The following NDRG1 variants were observed in gnomAD, a reference collection of about 807,000 sequenced individuals.
NDRG1 encodes N-myc downstream regulated 1, also known as protein NDRG1.
Under a neutral mutation model 56.9 loss-of-function variants are expected in NDRG1, and 32 were observed. That is an observed-to-expected ratio of 0.56 (90% CI 0.42 to 0.76). NDRG1 has a LOEUF of 0.76. Among genes scored for constraint, NDRG1 ranks in the 30% least tolerant of loss-of-function variants. The probability of loss-of-function intolerance (pLI) is 0.00; values close to 1 mark genes in which losing one functional copy is unlikely to be tolerated. For missense variants in NDRG1, 507 were observed against 545.7 expected (o/e 0.93, Z 0.71); for synonymous variants, 211 against 204.1 (o/e 1.03, Z -0.29).
chr8:133,276,363 T>C (rs1244704371), intron 3 of NDRG1, among the ~76,000 whole-genome samples: 1 of 152,190 alleles, frequency 6.6e-6, no homozygotes, highest in Non-Finnish European at 1.5e-5. Context: ...AAACTATGCT[T>C]TCTAGGTTTC....
intron 1 of NDRG1, among the ~76,000 whole-genome samples, chr8:133,294,079 T>C (rs1014888879): frequency 1.3e-5 from 2 of 152,230 alleles, no homozygotes; most frequent in African/African-American, 4.8e-5. Context: ...GATGGCATCA[T>C]GTCTGTTACT....
At chr8:133,242,635 A>G (rs1855448127) in intron 14 of NDRG1, among the ~76,000 whole-genome samples, 1 of 152,150 alleles carries the variant, frequency 6.6e-6, no homozygotes, top group Admixed American at 6.5e-5. Context: ...AATCACTGTC[A>G]GCCTCAATAG....
At position 133,238,638 on chromosome 8, in the gene NDRG1, T is replaced by C. The variant is rs1855193922; in HGVS notation, c.*240A>G. 3.4e-6 allele frequency: 2 copies of C among 585,402 alleles called. No individual in the cohort carries two copies. The highest frequency in any genetic ancestry group is 6.0e-6 in the Non-Finnish European group (2 of 332,678). 36.3% of individuals were successfully genotyped at this position (585,402 alleles called of 1,614,324 possible). A position where few individuals can be genotyped will look rare whatever the true frequency, so the allele number is the denominator to read the frequency against. ...AGAGTGGCAACCGGCCACTGGTTAATGGAAGAGGATGCGATGCGGAGATGC... is the reference window on the plus strand; with the variant it reads ...AGAGTGGCAACCGGCCACTGGTTAACGGAAGAGGATGCGATGCGGAGATGC... On this transcript the variant is annotated 3_prime_UTR_variant, in exon 16 of 16. Transcript: ENST00000323851.
chr8:133,284,189 CTG>C, intron 2 of NDRG1, 58 bp downstream of exon 2: 8 of 1,516,304 alleles, frequency 5.3e-6, no homozygotes, highest in East Asian at 2.3e-5. Context: ...TCCGGTGTGC[CTG>C]TGTGTGTCTA....
chr8:133,238,284 TTTC>T lies in NDRG1; in HGVS notation c.*591_*593del, dbSNP rs546011997. 274 of 232,580 alleles carry T rather than the reference TTTC, an allele frequency of 1.2e-3. 1 individual carries two copies. The highest frequency in any genetic ancestry group is 5.8e-3 in the African/African-American group (265 of 45,400). 14.4% of individuals were successfully genotyped at this position (232,580 alleles called of 1,614,324 possible). A position where few individuals can be genotyped will look rare whatever the true frequency, so the allele number is the denominator to read the frequency against. ...TAGATGCACCAACTTTAAAAATCGG[TTTC>T]TTCAAGTTAACTACGTAGATTTGTT... On this transcript the variant is annotated 3_prime_UTR_variant, in exon 16 of 16. Transcript: ENST00000323851.
At chr8:133,295,866 C>T (rs1238893257) in intron 1 of NDRG1, among the ~76,000 whole-genome samples, 1 of 152,112 alleles carries the variant, frequency 6.6e-6, no homozygotes. Flanking sequence ...ACTGAAGTGC[C>T]CCCAGCGTCC....
intron 12 of NDRG1, among the ~76,000 whole-genome samples, chr8:133,247,148 A>G (rs1274867576): frequency 6.6e-6 from 1 of 152,220 alleles, no homozygotes; most frequent in Non-Finnish European, 1.5e-5. Flanking sequence ...ACCCATATGT[A>G]ACCCAGGATG....
intron 3 of NDRG1, among the ~76,000 whole-genome samples, chr8:133,269,164 T>C (rs572602402): frequency 6.6e-6 from 1 of 152,280 alleles, no homozygotes; most frequent in East Asian, 1.9e-4. Context: ...TTCGTCCTCT[T>C]GCCTGAGAGA....
In NDRG1 at chr8:133,280,266, G is replaced by T; in HGVS notation, c.65C>A (p.Thr22Asn). 6.2e-7 allele frequency: 1 copy of T among 1,614,038 alleles called. No homozygotes were observed. Among genetic ancestry groups the T allele is most frequent in the Middle Eastern group, 1.6e-4 (1 of 6,062 alleles). Residue 22 changes from threonine to asparagine, a missense_variant and splice_region_variant, in exon 3 of 16, where the codon ACC becomes AAC. Coordinates refer to ENST00000323851, the MANE Select transcript of NDRG1 (RefSeq NM_006096.4). ...EVKPLVEKGE[T>N]ITGLLQEFDV... ...AAACTCTTGCAGGAGGCCGGTGATG[G>T]TCTGTGAAAAGACAAAAAAAATTGT...
At chr8:133,243,295 C>A (rs994464565) in intron 14 of NDRG1, among the ~76,000 whole-genome samples, 2 of 152,162 alleles carry the variant, frequency 1.3e-5, no homozygotes, top group Non-Finnish European at 2.9e-5. Context: ...AACAGGGACG[C>A]CTGTGTTCGA....
chr8:133,254,026 T>C (rs772790020), intron 9 of NDRG1, among the ~76,000 whole-genome samples: 37 of 151,128 alleles, frequency 2.4e-4, no homozygotes, highest in African/African-American at 4.9e-5. Context: ...GATCCACTCA[T>C]TAACATGGAC....
chr8:133,281,762 C>T (rs143977124), intron 2 of NDRG1, among the ~76,000 whole-genome samples: 60 of 152,180 alleles, frequency 3.9e-4, no homozygotes, highest in Admixed American at 9.2e-4. Context: ...GCCCCACATC[C>T]CCTGAGCTGT....
chr8:133,248,786 T>G lies in NDRG1; in HGVS notation c.699-15A>C. 3 of 1,614,058 alleles carry G rather than the reference T, an allele frequency of 1.9e-6. No homozygotes were observed. The highest frequency in any genetic ancestry group is 2.5e-6 in the Non-Finnish European group (3 of 1,180,026). ...GGTCGCGCCGGCTGCAGGAAACAAATGCATCATTAGCATGAGGACCCCTCC... is the reference window on the plus strand; with the variant it reads ...GGTCGCGCCGGCTGCAGGAAACAAAGGCATCATTAGCATGAGGACCCCTCC... On this transcript the variant is annotated splice_polypyrimidine_tract_variant and intron_variant, in intron 10 of 15. Transcript: ENST00000323851.
rs1856400076 is a variant in NDRG1 at position 133,256,816 on chromosome 8, G to T, written c.498C>A (p.Asn166Lys). ...AGTCCATCCAGCCTTCCGCACAAGGGTTCACGTTGATAAGGACAAGGCCCT... is the reference window on the plus strand; with the variant it reads ...AGTCCATCCAGCCTTCCGCACAAGGTTTCACGTTGATAAGGACAAGGCCCT... Reference protein sequence around the residue: ...MVEGLVLINVNPCAEGWMDWA... With the variant: ...MVEGLVLINVKPCAEGWMDWA... Residue 166 changes from asparagine to lysine, a missense_variant, in exon 8 of 16, where the codon AAC becomes AAA. Asn to Lys is a moderately conservative substitution (Grantham distance 94). Coordinates refer to ENST00000323851, the MANE Select transcript of NDRG1 (RefSeq NM_006096.4). 7 of 1,614,180 alleles carry T rather than the reference G, an allele frequency of 4.3e-6. No individual in the cohort carries two copies. Among genetic ancestry groups the T allele is most frequent in the Middle Eastern group, 1.6e-4 (1 of 6,062 alleles).
intron 1 of NDRG1, 24 bp from the exon 2 acceptor site, chr8:133,284,353 G>A (rs758295414): frequency 6.2e-7 from 1 of 1,611,236 alleles, no homozygotes; most frequent in Non-Finnish European, 8.5e-7. Context: ...AAGGCCAAAA[G>A]GTCAACACTT....
At chr8:133,239,290 G>A in intron 15 of NDRG1, 171 bp from the exon 16 acceptor site, 1 of 1,063,606 alleles carries the variant, frequency 9.4e-7, no homozygotes, top group Non-Finnish European at 1.4e-6. Context: ...CTCGGAGAGA[G>A]AGATGGCAAG....
At chr8:133,265,560 A>C (rs1352635017) in intron 3 of NDRG1, among the ~76,000 whole-genome samples, 1 of 152,096 alleles carries the variant, frequency 6.6e-6, no homozygotes, top group African/African-American at 2.4e-5. Flanking sequence ...TTGTTGAGCC[A>C]GATGGTTCTC....
intron 1 of NDRG1, among the ~76,000 whole-genome samples, chr8:133,289,421 T>A (rs1858307503): frequency 6.6e-6 from 1 of 151,668 alleles, no homozygotes; most frequent in African/African-American, 2.4e-5. Flanking sequence ...AGTCCTAGAG[T>A]CCCAGCGAGG....
At chr8:133,274,060 A>G (rs544527083) in intron 3 of NDRG1, among the ~76,000 whole-genome samples, 1 of 152,344 alleles carries the variant, frequency 6.6e-6, no homozygotes, top group Admixed American at 6.5e-5. Flanking sequence ...CTTTTCAGGA[A>G]CCAGAGCCAG....
Sources: gnomAD v4.1 joint callset for allele counts (sites outside exome capture counted in the v4.1 genomes callset) on GRCh38, gnomAD v4.1.1 for gene constraint, MANE v1.5 for transcripts, NCBI Gene and HGNC (gene_info 2026-07-23, HGNC 2026-07-21) for gene names.